Variants in C14orf180 observed in about 807,000 individuals in gnomAD.
The protein encoded by C14orf180 is chromosome 14 open reading frame 180, also known as nutritionally-regulated adipose and cardiac enriched protein homolog.
Under a neutral mutation model 13.9 loss-of-function variants are expected in C14orf180, and 13 were observed. The ratio of observed to expected loss-of-function variants is 0.94; its 90% CI spans 0.61 to 1.49. C14orf180 has a LOEUF of 1.49. Ranked by LOEUF, C14orf180 falls within the 40% of genes most tolerant of loss-of-function variation. C14orf180 has a pLI of 0.00. For synonymous variants in C14orf180, 113 were observed against 106.3 expected, an observed-to-expected ratio of 1.06 and a Z score of -0.39; for missense variants, 238 against 232.0, an observed-to-expected ratio of 1.03 and a Z score of -0.17.
chr14:104,586,210 T>C (rs1386853764), intron 1 of C14orf180, among the ~76,000 whole-genome samples: 1 of 152,152 alleles, frequency 6.6e-6, no homozygotes, highest in Admixed American at 6.5e-5. Context: ...TTGCTTGCGA[T>C]GGCATTTCTG....
intron 1 of C14orf180, among the ~76,000 whole-genome samples, chr14:104,585,815 G>A (rs932246372): frequency 9.2e-5 from 14 of 152,136 alleles, no homozygotes; most frequent in South Asian, 2.1e-4. Flanking sequence ...AGAATCGGCG[G>A]GGGCGCGGTG....
At chr14:104,583,944 AC>A (rs1329472222) in intron 1 of C14orf180, among the ~76,000 whole-genome samples, 1 of 151,452 alleles carries the variant, frequency 6.6e-6, no homozygotes, top group Non-Finnish European at 1.5e-5. Context: ...ACACACAGAC[AC>A]CCCACACGTG....
At chr14:104,584,487 C>T (rs1366826085) in intron 1 of C14orf180, among the ~76,000 whole-genome samples, 2 of 152,188 alleles carry the variant, frequency 1.3e-5, no homozygotes, top group Admixed American at 1.3e-4. Flanking sequence ...CAGCCCCAGC[C>T]CTGCTACGGA....
intron 4 of C14orf180, 109 bp from the exon 5 acceptor site, chr14:104,588,468 GC>G: frequency 6.9e-7 from 1 of 1,456,870 alleles, no homozygotes; most frequent in East Asian, 2.3e-5. Flanking sequence ...CTAGGGAGGG[GC>G]CATGGGCATG....
At chr14:104,582,529 G>A (rs916492331) in intron 1 of C14orf180, among the ~76,000 whole-genome samples, 2 of 152,140 alleles carry the variant, frequency 1.3e-5, no homozygotes, top group Non-Finnish European at 2.9e-5. Context: ...CCAGCAGTAC[G>A]GGCTGGTCAT....
In C14orf180 at chr14:104,589,718, A is replaced by G. The variant is rs1886782796; in HGVS notation, c.*935A>G. On this transcript the variant is annotated 3_prime_UTR_variant, in exon 5 of 5. Transcript: ENST00000557649. This position sits in a 1 kb window ranked among gnomAD's most constrained non-coding sequence, Gnocchi z 4.9. The stretch of plus-strand genomic sequence containing the variant: ...ACTGCCCAGGAGAGACACAGGGACA[A>G]TCAGACCAGCGTCCTCGAGGTTAGC... 6.6e-6 allele frequency: 1 copy of G among 152,482 alleles called. No homozygotes were observed. Among genetic ancestry groups the G allele is most frequent in the South Asian group, 2.1e-4 (1 of 4,836 alleles). The allele number at this position is 152,482 out of a possible 1,614,324, so 9.4% of individuals were successfully genotyped here.
intron 1 of C14orf180, chr14:104,581,673 G>GC: frequency 6.6e-6 from 1 of 152,028 alleles, no homozygotes; most frequent in Non-Finnish European, 1.5e-5. Context: ...GAGTATGTAT[G>GC]TGTGTGTGTG....
chr14:104,587,992 T>C, intron 3 of C14orf180, 114 bp downstream of exon 3: 1 of 1,339,538 alleles, frequency 7.5e-7, no homozygotes, highest in Non-Finnish European at 1.0e-6. Context: ...GGGGGGGCCG[T>C]GGCCACCTGC....
intron 1 of C14orf180, among the ~76,000 whole-genome samples, chr14:104,582,440 G>C (rs1886468540): frequency 6.6e-6 from 1 of 152,146 alleles, no homozygotes; most frequent in Non-Finnish European, 1.5e-5. Flanking sequence ...GGGGTACTGG[G>C]CTAGACCCCC....
Position 104,589,917 on chromosome 14 carries a change from A to G in C14orf180, c.*1134A>G, listed in dbSNP as rs1886789613. 1 of 152,200 alleles carries G rather than the reference A, an allele frequency of 6.6e-6. No homozygotes were observed. The highest frequency in any genetic ancestry group is 1.5e-5 in the Non-Finnish European group (1 of 68,060). 9.4% of individuals were successfully genotyped at this position (152,200 alleles called of 1,614,324 possible). A position where few individuals can be genotyped will look rare whatever the true frequency, so the allele number is the denominator to read the frequency against. On this transcript the variant is annotated 3_prime_UTR_variant, in exon 5 of 5. Transcript: ENST00000557649. The surrounding 1 kb of genome is among the most constrained non-coding windows in gnomAD (Gnocchi z 4.9). Reference sequence around the variant, plus strand: ...CTAAGGAATCGGCCTCAGTGGCCAAAGCGGATGTCCTGGGCGCCTGGAACC... The same window carrying G: ...CTAAGGAATCGGCCTCAGTGGCCAAGGCGGATGTCCTGGGCGCCTGGAACC...
rs764586624 is a variant in C14orf180 at position 104,588,361 on chromosome 14, C to A, written c.277+52C>A. ...CCCCACTGCCCCCTCCGTGGGTGCA[C>A]CCACCCTCACTCCCTCCCCGAGGGA... On this transcript the variant is annotated intron_variant, in intron 4 of 4. Transcript: ENST00000557649. 6 of 1,605,550 alleles carry A rather than the reference C, an allele frequency of 3.7e-6. No homozygotes were observed. In the South Asian group the frequency reaches 5.5e-5, roughly 15 times the overall value.
chr14:104,584,244 G>A (rs1326029576), intron 1 of C14orf180, among the ~76,000 whole-genome samples: 1 of 152,206 alleles, frequency 6.6e-6, no homozygotes, highest in African/African-American at 2.4e-5. Context: ...CTGCAGGGTC[G>A]CCTGGCAAGG....
In C14orf180 at chr14:104,588,958, G is replaced by C. The variant is rs549018174; in HGVS notation, c.*175G>C. Reference sequence around the variant, plus strand: ...CCCGTGGCGTGAGATCGGACATGGGGGGCACAGCAGGCGGCCCCGCCACAC... The same window carrying C: ...CCCGTGGCGTGAGATCGGACATGGGCGGCACAGCAGGCGGCCCCGCCACAC... On this transcript the variant is annotated 3_prime_UTR_variant, in exon 5 of 5. Coordinates refer to ENST00000557649, the MANE Select transcript of C14orf180 (RefSeq NM_001008404.3). The C allele has an allele frequency of 7.4e-7, 1 of 1,357,870 alleles. No homozygotes were observed. The highest frequency in any genetic ancestry group is 9.7e-7 in the Non-Finnish European group (1 of 1,029,360). 84.1% of individuals were successfully genotyped at this position (1,357,870 alleles called of 1,614,324 possible). A position where few individuals can be genotyped will look rare whatever the true frequency, so the allele number is the denominator to read the frequency against.
At chr14:104,587,174 C>T (rs1886657641) in intron 2 of C14orf180, among the ~76,000 whole-genome samples, 1 of 152,192 alleles carries the variant, frequency 6.6e-6, no homozygotes, top group Non-Finnish European at 1.5e-5. Flanking sequence ...CAGCCCGAAA[C>T]TCCCACTCCA....
In C14orf180 at chr14:104,588,263, C is replaced by A. The variant is rs199822025; in HGVS notation, c.242-11C>A. On this transcript the variant is annotated splice_polypyrimidine_tract_variant and intron_variant, in intron 3 of 4. Coordinates refer to ENST00000557649, the MANE Select transcript of C14orf180 (RefSeq NM_001008404.3). ...AGGTGCCCCCAGCTGACTCTCCATT[C>A]TCTTTCGCAGACATTGCTGACAAGA... 5.0e-6 allele frequency: 8 copies of A among 1,613,820 alleles called. No homozygotes were observed. The highest frequency in any genetic ancestry group is 6.8e-6 in the Non-Finnish European group (8 of 1,180,000).
In C14orf180 at chr14:104,587,791, C is replaced by T. The variant is rs756575881; in HGVS notation, c.154C>T (p.Arg52Trp). 1.6e-5 allele frequency: 25 copies of T among 1,612,494 alleles called. No homozygotes were observed. The Admixed American group carries it at 2.0e-4, about 13-fold the overall frequency. ...CCCCCCCTCCATCCTGAAACGGAGCCGGCCGGAGCACCACCGCCCAGAGGC... is the reference window on the plus strand; with the variant it reads ...CCCCCCCTCCATCCTGAAACGGAGCTGGCCGGAGCACCACCGCCCAGAGGC... ...KCPPSILKRS[R>W]PEHHRPEAKP... Residue 52 changes from arginine (R) to tryptophan (W), a missense_variant, in exon 3 of 5, where the codon CGG becomes TGG. Coordinates refer to ENST00000557649, the MANE Select transcript of C14orf180 (RefSeq NM_001008404.3).
intron 4 of C14orf180, 43 bp downstream of exon 4, chr14:104,588,352 G>A (rs377073295): frequency 1.6e-5 from 26 of 1,612,742 alleles, no homozygotes; most frequent in Admixed American, 1.2e-4. Context: ...TGCCCCCTCC[G>A]TGGGTGCACC....
chr14:104,588,935 C>T lies in C14orf180; in HGVS notation c.*152C>T, dbSNP rs1001994379. On this transcript the variant is annotated 3_prime_UTR_variant, in exon 5 of 5. Transcript: ENST00000557649. ...GGGCTAACTAGGAAAAGGGGGACCC[C>T]GTGGCGTGAGATCGGACATGGGGGG... 2.4e-5 allele frequency: 34 copies of T among 1,424,352 alleles called. No homozygotes were observed. Among genetic ancestry groups the T allele is most frequent in the Admixed American group, 1.6e-4 (6 of 37,546 alleles). 88.2% of individuals were successfully genotyped at this position (1,424,352 alleles called of 1,614,324 possible). A position where few individuals can be genotyped will look rare whatever the true frequency, so the allele number is the denominator to read the frequency against.
rs527950601 is a variant in C14orf180, at chr14:104,582,795, G to A, written c.-17+2792G>A. On this transcript the variant is annotated intron_variant, in intron 1 of 4. Coordinates refer to ENST00000557649, the MANE Select transcript of C14orf180 (RefSeq NM_001008404.3). Reference sequence around the variant, plus strand: ...CCCTCCCCAGCAGCGGGCCTAGCGGGACACTTACAGGTCCAGGCTCTGAAG... The same window carrying A: ...CCCTCCCCAGCAGCGGGCCTAGCGGAACACTTACAGGTCCAGGCTCTGAAG... 1.2e-4 allele frequency among the ~76,000 whole-genome samples: 18 copies of A among 152,278 alleles called. No homozygotes were observed. In the South Asian group the frequency reaches 3.1e-3, roughly 26 times the overall value.
Sources: allele counts gnomAD v4.1 joint callset (sites outside exome capture counted in the v4.1 genomes callset), GRCh38; gene constraint gnomAD v4.1.1; non-coding constraint Gnocchi (gnomAD v3.1); transcripts MANE v1.5; gene names NCBI Gene and HGNC (gene_info 2026-07-23, HGNC 2026-07-21).